FBP2: variants seen among roughly 807,000 people sequenced by gnomAD.
FBP2 encodes the protein fructose-1,6-bisphosphatase isozyme 2.
A neutral mutation model predicts 31.6 loss-of-function variants in FBP2; 27 were observed. The ratio of observed to expected loss-of-function variants is 0.85; its 90% CI spans 0.63 to 1.18. The LOEUF is 1.18. Among genes scored for constraint, FBP2 ranks in the 50% most tolerant of loss-of-function variants. FBP2 has a pLI of 0.00. For missense variants in FBP2, 421 were observed against 436.1 expected, an observed-to-expected ratio of 0.97 and a Z score of 0.31; for synonymous variants, 168 against 179.8, an observed-to-expected ratio of 0.93 and a Z score of 0.53.
At chr9:94,574,567 A>G (rs1827298932) in intron 3 of FBP2, among the ~76,000 whole-genome samples, 1 of 152,106 alleles carries the variant, frequency 6.6e-6, no homozygotes, top group African/African-American at 2.4e-5. Flanking sequence ...TATGTCACAA[A>G]TATTTTCCTC....
intron 3 of FBP2, among the ~76,000 whole-genome samples, chr9:94,581,431 G>A (rs1461217680): frequency 2.0e-5 from 3 of 152,154 alleles, no homozygotes; most frequent in Non-Finnish European, 4.4e-5. Context: ...TTTGGCTTTG[G>A]GTTTTTGGCT....
intron 5 of FBP2, among the ~76,000 whole-genome samples, chr9:94,566,939 G>A (rs944805864): frequency 9.4e-5 from 13 of 138,940 alleles, no homozygotes; most frequent in African/African-American, 3.7e-4. Context: ...ATGCAACTGA[G>A]TGAGTCTATA....
chr9:94,573,598 T>A (rs1827290322), intron 3 of FBP2, among the ~76,000 whole-genome samples: 1 of 152,202 alleles, frequency 6.6e-6, no homozygotes, highest in South Asian at 2.1e-4. Flanking sequence ...GTGATTTTTC[T>A]TCTTTAGCCT....
intron 5 of FBP2, among the ~76,000 whole-genome samples, chr9:94,564,634 G>A (rs1254317188): frequency 6.6e-6 from 1 of 152,082 alleles, no homozygotes; most frequent in African/African-American, 2.4e-5. Flanking sequence ...CACAAAGAGG[G>A]AAACAACAGA....
At chr9:94,587,658 T>C (rs2131460177) in intron 1 of FBP2, among the ~76,000 whole-genome samples, 189 bp from the exon 2 acceptor site, 1 of 127,568 alleles carries the variant, frequency 7.8e-6, no homozygotes. Context: ...CCTTACACCT[T>C]GGAGTCGTTG....
chr9:94,582,388 A>G (rs866600687), intron 3 of FBP2, among the ~76,000 whole-genome samples: 4 of 134,182 alleles, frequency 3.0e-5, no homozygotes, highest in African/African-American at 1.1e-4. Context: ...GTGTGTGTGT[A>G]TAGTTTGTTT....
rs577407187 is a variant in FBP2 at position 94,583,698 on chromosome 9, C to T, written c.426+879G>A. Among the ~76,000 whole-genome samples, 52 of 152,320 alleles carry T rather than the reference C, an allele frequency of 3.4e-4. 1 individual carries two copies. Among genetic ancestry groups the T allele is most frequent in the Middle Eastern group, 6.8e-3 (2 of 294 alleles). On this transcript the variant is annotated intron_variant, in intron 3 of 6. Transcript: ENST00000375337. ...CACTGCAACCTGCACTTCCTGGGTT[C>T]AAGCAATTCTCTTGCCTCAGCCTCC...
chr9:94,563,224 G>GCCCATC, intron 6 of FBP2, 118 bp downstream of exon 6: 2 of 1,168,576 alleles, frequency 1.7e-6, no homozygotes, highest in Non-Finnish European at 2.4e-6. Flanking sequence ...TTCCTCCCCT[G>GCCCATC]CCCATCCCCA....
chr9:94,590,406 T>C (rs1827481236), intron 1 of FBP2, among the ~76,000 whole-genome samples: 1 of 151,210 alleles, frequency 6.6e-6, no homozygotes, highest in African/African-American at 2.5e-5. Context: ...ACGGAGCCCT[T>C]GCTAGAAAGA....
chr9:94,578,750 G>A (rs952891454), intron 3 of FBP2, among the ~76,000 whole-genome samples: 26 of 152,060 alleles, frequency 1.7e-4, no homozygotes, highest in Middle Eastern at 3.4e-3. Flanking sequence ...AATTGTATTC[G>A]TATTGTAAAA....
rs1189010007 is a variant in FBP2, at chr9:94,559,078, C to G, written c.880G>C (p.Gly294Arg). 6.2e-7 allele frequency: 1 copy of G among 1,614,128 alleles called. No homozygotes were observed. The highest frequency in any genetic ancestry group is 8.5e-7 in the Non-Finnish European group (1 of 1,180,028). The change falls in exon 7 of 7, where the codon GGC becomes CGC. Residue 294 changes from glycine to arginine, a missense_variant. Physicochemically the swap from Gly to Arg is moderately radical, Grantham distance 125 (BLOSUM62 -2). Transcript: ENST00000375337. ...PVAYIIEQAG[G>R]LATTGTQPVL... ...GGCTGGGTCCCCGTGGTCGCCAAGC[C>G]TCCTGCCTGCTCAATGATGTAGGCC...
intron 3 of FBP2, chr9:94,573,028 G>A (rs1827284833): frequency 6.6e-6 from 1 of 152,100 alleles, no homozygotes; most frequent in Non-Finnish European, 1.5e-5. Context: ...CAAGAACAGT[G>A]TTATTACCTG....
At chr9:94,587,612 G>A (rs1827443203) in intron 1 of FBP2, 143 bp from the exon 2 acceptor site, 8 of 731,168 alleles carry the variant, frequency 1.1e-5, no homozygotes, top group South Asian at 8.1e-5. Flanking sequence ...AGAAGAAGGC[G>A]ATTATGCCTG....
At chr9:94,566,252 T>C (rs1441298505) in intron 5 of FBP2, among the ~76,000 whole-genome samples, 1 of 152,242 alleles carries the variant, frequency 6.6e-6, no homozygotes, top group East Asian at 1.9e-4. Flanking sequence ...AAACAAAGTC[T>C]CTGCAGCACT....
Position 94,585,538 on chromosome 9 carries a change from G to A in FBP2, c.334-869C>T, listed in dbSNP as rs548375423. 4.0e-5 allele frequency among the ~76,000 whole-genome samples: 6 copies of A among 151,514 alleles called. No individual in the cohort carries two copies. In the South Asian group the frequency reaches 6.3e-4, roughly 16 times the overall value. ...TAGGCTGGGGGCTGGAGAGCCATGA[G>A]GGGGGGTCACATTTGATGACAGACC... On this transcript the variant is annotated intron_variant, in intron 2 of 6. Coordinates refer to ENST00000375337, the MANE Select transcript of FBP2 (RefSeq NM_003837.4).
At chr9:94,572,791 T>G (rs1467502528) in intron 3 of FBP2, among the ~76,000 whole-genome samples, 4 of 152,212 alleles carry the variant, frequency 2.6e-5, no homozygotes, top group Non-Finnish European at 4.4e-5. Context: ...CCTATACACA[T>G]TTTTTGGATT....
intron 3 of FBP2, among the ~76,000 whole-genome samples, chr9:94,583,523 C>T (rs544397408): frequency 6.6e-5 from 10 of 152,278 alleles, no homozygotes; most frequent in East Asian, 3.9e-4. Context: ...TGTAAGAGCA[C>T]GGTTTAATCA....
chr9:94,559,455 A>C (rs758123403), intron 6 of FBP2, among the ~76,000 whole-genome samples: 2 of 152,176 alleles, frequency 1.3e-5, no homozygotes, highest in Non-Finnish European at 2.9e-5. Context: ...TCTTGGTTCA[A>C]CAAGAAGCAA....
chr9:94,580,396 T>C (rs1030989303), intron 3 of FBP2, among the ~76,000 whole-genome samples: 2 of 152,166 alleles, frequency 1.3e-5, no homozygotes, highest in African/African-American at 2.4e-5. Context: ...TTTGTATTTT[T>C]AGCAGAGACA....
Sources: allele counts gnomAD v4.1 joint callset (sites outside exome capture counted in the v4.1 genomes callset), GRCh38; gene constraint gnomAD v4.1.1; transcripts MANE v1.5; gene names NCBI Gene and HGNC (gene_info 2026-07-23, HGNC 2026-07-21).